The following CACNA1C variants were observed in gnomAD, a reference collection of about 807,000 sequenced individuals.
CACNA1C encodes voltage-dependent L-type calcium channel subunit alpha-1C.
CACNA1C carries 30 observed loss-of-function variants against 229.0 expected under a neutral mutation model. The ratio of observed to expected loss-of-function variants is 0.13; its 90% confidence interval spans 0.10 to 0.18. The LOEUF (loss-of-function observed/expected upper bound fraction) is 0.18. Among genes scored for constraint, CACNA1C ranks in the 10% least tolerant of loss-of-function variants. The probability of loss-of-function intolerance (pLI) is 1.00; values close to 1 mark genes in which losing one functional copy is unlikely to be tolerated. For missense variants in CACNA1C, 1,658 were observed against 2,845.0 expected, an observed-to-expected ratio of 0.58 and a Z score of 9.49; for synonymous variants, 1,114 against 1,132.5, an observed-to-expected ratio of 0.98 and a Z score of 0.33.
intron 1 of CACNA1C, among the ~76,000 whole-genome samples, chr12:1,997,214 TAA>T (rs1374235105): frequency 6.6e-6 from 1 of 152,172 alleles, no homozygotes; most frequent in Non-Finnish European, 1.5e-5. Flanking sequence ...CATGCTTTTT[TAA>T]AGAGTCAGGG....
At chr12:2,190,385 C>T (rs573571285) in intron 3 of CACNA1C, among the ~76,000 whole-genome samples, 23 of 152,218 alleles carry the variant, frequency 1.5e-4, no homozygotes, top group Non-Finnish European at 3.1e-4. Flanking sequence ...CGCAGTGCCC[C>T]ATTCCCTCCA....
At chr12:2,342,873 C>G (rs1360739807) in intron 3 of CACNA1C, among the ~76,000 whole-genome samples, 1 of 152,192 alleles carries the variant, frequency 6.6e-6, no homozygotes, top group Non-Finnish European at 1.5e-5. Flanking sequence ...ACTGAGGATG[C>G]TTATTTTTTA....
intron 3 of CACNA1C, among the ~76,000 whole-genome samples, chr12:2,309,770 C>T (rs1415048829): frequency 6.6e-6 from 1 of 152,216 alleles, no homozygotes; most frequent in Non-Finnish European, 1.5e-5. Flanking sequence ...ATGCCTGCAG[C>T]AATCTGCACA....
intron 9 of CACNA1C, among the ~76,000 whole-genome samples, chr12:2,516,961 C>G (rs1219632558): frequency 6.6e-6 from 1 of 152,170 alleles, no homozygotes; most frequent in Non-Finnish European, 1.5e-5. Flanking sequence ...GAACTGAGTC[C>G]TAGCCCTACT....
chr12:2,659,859 T>C (rs2095616551), intron 34 of CACNA1C: 1 of 152,106 alleles, frequency 6.6e-6, no homozygotes, highest in Non-Finnish European at 1.5e-5. Context: ...ATTACAGATG[T>C]GGAAGTGATT....
chr12:2,427,130 G>A (rs1284114030), intron 3 of CACNA1C, among the ~76,000 whole-genome samples: 2 of 152,268 alleles, frequency 1.3e-5, no homozygotes, highest in Non-Finnish European at 2.9e-5. Flanking sequence ...AGGATGTAAT[G>A]AGCTAGAGAG....
chr12:2,089,970 G>A (rs111758721), intron 1 of CACNA1C, among the ~76,000 whole-genome samples: 101 of 152,190 alleles, frequency 6.6e-4, no homozygotes, highest in African/African-American at 2.2e-3. Flanking sequence ...CGGAGGTTGC[G>A]GTGAGCTGCG....
intron 3 of CACNA1C, among the ~76,000 whole-genome samples, chr12:2,416,596 T>C (rs1167222482): frequency 6.6e-6 from 1 of 152,176 alleles, no homozygotes; most frequent in East Asian, 1.9e-4. Context: ...CCAGTCTGTC[T>C]CCAGACTCTG....
intron 3 of CACNA1C, among the ~76,000 whole-genome samples, chr12:2,434,866 A>T (rs553238568): frequency 6.6e-6 from 1 of 152,300 alleles, no homozygotes; most frequent in South Asian, 2.1e-4. Context: ...GGACCACGGC[A>T]GAGGTCTCCC....
At position 2,494,681 on chromosome 12, in the gene CACNA1C, G is replaced by A. The variant is rs562365955; in HGVS notation, c.1113+1295G>A. ...ACTTCTTCCTGAATCGGAAGGAAGA[G>A]TTTTGTAACTGTACGGAGATTTGGT... On this transcript the variant is annotated intron_variant, in intron 7 of 46. Transcript: ENST00000399655. Among the ~76,000 whole-genome samples, 3 of 152,352 alleles carry A rather than the reference G, an allele frequency of 2.0e-5. No individual in the cohort carries two copies. The South Asian group carries it at 6.2e-4, about 32-fold the overall frequency.
At chr12:2,135,514 T>G in intron 3 of CACNA1C, among the ~76,000 whole-genome samples, 1 of 133,044 alleles carries the variant, frequency 7.5e-6, no homozygotes, top group Non-Finnish European at 1.5e-5. Context: ...TTTGTTAGTT[T>G]TCCTTCTAAC....
chr12:2,161,518 T>C (rs183673670), intron 3 of CACNA1C, among the ~76,000 whole-genome samples: 242 of 152,232 alleles, frequency 1.6e-3, no homozygotes, highest in Middle Eastern at 0.01. Context: ...CCAGACCCCA[T>C]CACAGAGCCC....
intron 3 of CACNA1C, among the ~76,000 whole-genome samples, chr12:2,122,876 C>T (rs543490467): frequency 2.0e-5 from 3 of 152,204 alleles, no homozygotes; most frequent in Non-Finnish European, 2.9e-5. Flanking sequence ...CATTACAACC[C>T]GAGAGAACTC....
At position 2,575,351 on chromosome 12, in the gene CACNA1C, GGCCCA is replaced by G. The variant is rs529274044; in HGVS notation, c.1896-6231_1896-6227del. Among the ~76,000 whole-genome samples the G allele has an allele frequency of 3.9e-5, 6 of 152,202 alleles. No homozygotes were observed. The South Asian group carries it at 1.2e-3, about 32-fold the overall frequency. ...TCTAGAATTCTGCTTGACTCCTCCT[GGCCCA>G]GCCCAGCATATACGGTTCTGCCTCT... On this transcript the variant is annotated intron_variant, in intron 13 of 46. Coordinates refer to ENST00000399655, the MANE Select transcript of CACNA1C (RefSeq NM_000719.7). The surrounding 1 kb of genome is among the most constrained non-coding windows in gnomAD (Gnocchi z 4.0).
chr12:2,621,242 T>C (rs923385360), intron 29 of CACNA1C, among the ~76,000 whole-genome samples: 1 of 151,992 alleles, frequency 6.6e-6, no homozygotes, highest in Admixed American at 6.6e-5. Context: ...GGGTAAGGGC[T>C]GGGGTGGGGA....
In CACNA1C at chr12:2,689,435, C is replaced by T. The variant is rs1186457069; in HGVS notation, c.6117+656C>T. Among the ~76,000 whole-genome samples the T allele has an allele frequency of 6.6e-6, 1 of 151,914 alleles. No homozygotes were observed. Among genetic ancestry groups the T allele is most frequent in the Non-Finnish European group, 1.5e-5 (1 of 67,980 alleles). On this transcript the variant is annotated intron_variant, in intron 46 of 46. Transcript: ENST00000399655. The surrounding 1 kb of genome is among the most constrained non-coding windows in gnomAD (Gnocchi z 4.2). Reference sequence around the variant, plus strand: ...GGAGAGGAGGTGACTTTGGAGGGTGCGATACACCTCTCACACCTGCAACGG... The same window carrying T: ...GGAGAGGAGGTGACTTTGGAGGGTGTGATACACCTCTCACACCTGCAACGG...
Position 2,691,148 on chromosome 12 carries a change from A to G in CACNA1C, c.6366A>G (p.Arg2122=), listed in dbSNP as rs1389824044. ...CGGGCTGTGTGCGCGCGCGGGGTCG[A>G]CCGAGTGAGGAGGAGCTCCAGGACA... ...EDAGCVRARG[R]PSEEELQDSR... is the part of the protein sequence containing the mutation. Residue 2122 remains arginine, a synonymous_variant, in exon 47 of 47, where the codon CGA becomes CGG. Coordinates refer to ENST00000399655, the MANE Select transcript of CACNA1C (RefSeq NM_000719.7). 6.2e-7 allele frequency: 1 copy of G among 1,606,166 alleles called. No individual in the cohort carries two copies. The highest frequency in any genetic ancestry group is 2.2e-5 in the East Asian group (1 of 44,624).
At chr12:2,534,617 T>C (rs1040788797) in intron 9 of CACNA1C, among the ~76,000 whole-genome samples, 4 of 152,230 alleles carry the variant, frequency 2.6e-5, no homozygotes, top group Non-Finnish European at 5.9e-5. Context: ...AGCAAATGCT[T>C]ATCCAGGCTT....
chr12:2,362,778 A>G (rs1236243989), intron 3 of CACNA1C, among the ~76,000 whole-genome samples: 1 of 152,172 alleles, frequency 6.6e-6, no homozygotes, highest in Non-Finnish European at 1.5e-5. Flanking sequence ...GGAGAATGGA[A>G]AGAGAGCAGG....
Sources: gnomAD v4.1 joint callset for allele counts (sites outside exome capture counted in the v4.1 genomes callset) on GRCh38, gnomAD v4.1.1 for gene constraint, Gnocchi (gnomAD v3.1) non-coding constraint, MANE v1.5 for transcripts, NCBI Gene and HGNC (gene_info 2026-07-23, HGNC 2026-07-21) for gene names.